Variants in LYN observed in about 807,000 individuals in gnomAD.
LYN encodes tyrosine-protein kinase Lyn.
In LYN, 12 loss-of-function variants were observed where a neutral mutation model predicts 65.0. The observed-to-expected ratio is 0.18, with a 90% CI of 0.12 to 0.30. The LOEUF (loss-of-function observed/expected upper bound fraction) is 0.30, where lower values mean the gene tolerates loss of function less well. Ranked by LOEUF, LYN falls within the 10% of genes least tolerant of loss-of-function variation. The probability of loss-of-function intolerance (pLI) is 1.00; values close to 1 mark genes in which losing one functional copy is unlikely to be tolerated. For synonymous variants in LYN, 222 were observed against 221.2 expected, an observed-to-expected ratio of 1.00 and a Z score of -0.03; for missense variants, 380 against 623.2, an observed-to-expected ratio of 0.61 and a Z score of 4.16.
intron 10 of LYN, among the ~76,000 whole-genome samples, chr8:55,982,622 ACTC>A (rs1384568464): frequency 6.6e-6 from 1 of 150,828 alleles, no homozygotes; most frequent in South Asian, 2.1e-4. Flanking sequence ...ATCCCCGAAC[ACTC>A]CTCCTTGCTG....
chr8:55,949,716 C>T lies in LYN; in HGVS notation c.285-743C>T, dbSNP rs951957041. Among the ~76,000 whole-genome samples, 4 of 152,306 alleles carry T rather than the reference C, an allele frequency of 2.6e-5. No individual in the cohort carries two copies. In the South Asian group the frequency reaches 8.3e-4, roughly 32 times the overall value. Reference sequence around the variant, plus strand: ...TTGTGTTGTGAACATTCAAAACCCTCACTCCTGGCTTCTTTTCTTTGTCTC... The same window carrying T: ...TTGTGTTGTGAACATTCAAAACCCTTACTCCTGGCTTCTTTTCTTTGTCTC... On this transcript the variant is annotated intron_variant, in intron 4 of 12. Coordinates refer to ENST00000519728, the MANE Select transcript of LYN (RefSeq NM_002350.4).
chr8:55,930,951 ACTCT>A (rs1806251030), intron 1 of LYN, among the ~76,000 whole-genome samples: 1 of 151,758 alleles, frequency 6.6e-6, no homozygotes, highest in Non-Finnish European at 1.5e-5. Flanking sequence ...ATGCATGGCT[ACTCT>A]CTAAGTTCTT....
chr8:55,956,328 A>G (rs1159039626), intron 8 of LYN, among the ~76,000 whole-genome samples: 3 of 152,210 alleles, frequency 2.0e-5, no homozygotes, highest in Non-Finnish European at 4.4e-5. Context: ...TTAAGTGCAG[A>G]CGTGACTTGC....
chr8:56,009,688 T>TAAATATGGTG (rs1283280026), intron 12 of LYN, among the ~76,000 whole-genome samples: 1 of 152,184 alleles, frequency 6.6e-6, no homozygotes. Context: ...AAAGGCCTTA[T>TAAATATGGTG]CTCTAAATAT....
At chr8:55,892,717 A>C (rs1260557748) in intron 1 of LYN, among the ~76,000 whole-genome samples, 1 of 152,150 alleles carries the variant, frequency 6.6e-6, no homozygotes, top group Non-Finnish European at 1.5e-5. Flanking sequence ...CAAAGAAAGA[A>C]TATTTCTGAC....
chr8:55,924,479 C>T (rs957568776), intron 1 of LYN, among the ~76,000 whole-genome samples: 1 of 152,008 alleles, frequency 6.6e-6, no homozygotes, highest in African/African-American at 2.4e-5. Context: ...TCTCCTGCCT[C>T]AGCCTCCCTA....
chr8:55,983,719 T>C (rs1007856069), intron 10 of LYN, among the ~76,000 whole-genome samples: 9 of 152,194 alleles, frequency 5.9e-5, no homozygotes, highest in African/African-American at 1.9e-4. Flanking sequence ...TCTGGGACAC[T>C]GTTCTCTGCT....
At chr8:55,947,384 T>G (rs921509918) in intron 3 of LYN, among the ~76,000 whole-genome samples, 1 of 152,236 alleles carries the variant, frequency 6.6e-6, no homozygotes, top group Non-Finnish European at 1.5e-5. Flanking sequence ...AATATAGAGT[T>G]GTATTTATAG....
At chr8:55,936,930 A>G (rs1331772724) in intron 1 of LYN, among the ~76,000 whole-genome samples, 1 of 152,120 alleles carries the variant, frequency 6.6e-6, no homozygotes, top group East Asian at 1.9e-4. Context: ...CTCATACACA[A>G]AGTACCAGGG....
chr8:56,009,829 A>C, intron 12 of LYN, 79 bp from the exon 13 acceptor site: 1 of 1,137,044 alleles, frequency 8.8e-7, no homozygotes, highest in Middle Eastern at 2.8e-4. Context: ...AGGAGCAAAA[A>C]GACCACTGCA....
At position 55,912,591 on chromosome 8, in the gene LYN, G is replaced by A. The variant is rs141238789; in HGVS notation, c.-5-29264G>A. Among the ~76,000 whole-genome samples, 573 of 152,140 alleles carry A rather than the reference G, an allele frequency of 3.8e-3. 1 individual carries two copies. Among genetic ancestry groups the A allele is most frequent in the Middle Eastern group, 0.017 (5 of 294 alleles). ...AAATACAAAAAATTAACTGGGCATC[G>A]TGGCACATGCCTGTAATCCCAGCTA... On this transcript the variant is annotated intron_variant, in intron 1 of 12. Transcript: ENST00000519728.
At chr8:55,881,743 G>A (rs968026468) in intron 1 of LYN, among the ~76,000 whole-genome samples, 2 of 152,200 alleles carry the variant, frequency 1.3e-5, no homozygotes, top group African/African-American at 4.8e-5. Flanking sequence ...ATTCAGCCAA[G>A]ATTTCCTTTA....
intron 10 of LYN, among the ~76,000 whole-genome samples, chr8:55,989,187 G>A (rs1808170890): frequency 6.6e-6 from 1 of 152,228 alleles, no homozygotes; most frequent in Admixed American, 6.5e-5. Flanking sequence ...TTCACCGTGT[G>A]GGATGCTGGG....
chr8:55,999,289 C>T, intron 11 of LYN, 129 bp from the exon 12 acceptor site: 1 of 729,960 alleles, frequency 1.4e-6, no homozygotes, highest in Non-Finnish European at 2.3e-6. Context: ...CATTACATTC[C>T]AGCCTGGGTG....
intron 10 of LYN, 64 bp downstream of exon 10, chr8:55,969,857 T>G: frequency 7.3e-7 from 1 of 1,366,934 alleles, no homozygotes; most frequent in Non-Finnish European, 1.0e-6. Context: ...GTCAAATTCA[T>G]GAAGGAGTTA....
intron 1 of LYN, among the ~76,000 whole-genome samples, chr8:55,897,845 G>A (rs1805160316): frequency 6.6e-6 from 1 of 152,050 alleles, no homozygotes; most frequent in South Asian, 2.1e-4. Context: ...CCTGAGAGGT[G>A]GAGGCTGCAG....
Position 55,883,681 on chromosome 8 carries a change from A to G in LYN, c.-6+3578A>G, listed in dbSNP as rs190923583. 3.2e-3 allele frequency among the ~76,000 whole-genome samples: 490 copies of G among 152,354 alleles called. 5 individuals are homozygous for G. The highest frequency in any genetic ancestry group is 6.8e-3 in the Middle Eastern group (2 of 294). ...TGGTTGTTTTATCAGTGAGAGCATC[A>G]TTTAAGTGAAAATATAAATTAAGGA... On this transcript the variant is annotated intron_variant, in intron 1 of 12. Coordinates refer to ENST00000519728, the MANE Select transcript of LYN (RefSeq NM_002350.4).
chr8:56,009,506 T>A (rs1808757987), intron 12 of LYN, among the ~76,000 whole-genome samples: 1 of 152,210 alleles, frequency 6.6e-6, no homozygotes, highest in Non-Finnish European at 1.5e-5. Flanking sequence ...CTAGCCAGGT[T>A]GATTTCTCCT....
chr8:55,910,984 C>T (rs1805584383), intron 1 of LYN, among the ~76,000 whole-genome samples: 1 of 145,364 alleles, frequency 6.9e-6, no homozygotes, highest in African/African-American at 2.5e-5. Flanking sequence ...GCAACCTCCG[C>T]TTCCCGGGTT....
Sources: gnomAD v4.1 joint callset for allele counts (sites outside exome capture counted in the v4.1 genomes callset) on GRCh38, gnomAD v4.1.1 for gene constraint, MANE v1.5 for transcripts, NCBI Gene and HGNC (gene_info 2026-07-23, HGNC 2026-07-21) for gene names.